Variants in SDK1 observed in about 807,000 individuals in gnomAD.
The protein encoded by SDK1 is sidekick cell adhesion molecule 1, also known as protein sidekick-1.
SDK1 carries 157 observed loss-of-function variants against 245.5 expected under a neutral mutation model. The observed-to-expected ratio is 0.64, with a 90% CI of 0.56 to 0.73. The LOEUF is 0.73. Ranked by LOEUF, SDK1 falls within the 30% of genes least tolerant of loss-of-function variation. SDK1 has a pLI of 0.00. For synonymous variants in SDK1, 1,647 were observed against 1,278.5 expected (o/e 1.29, Z -6.15); for missense variants, 3,583 against 3,002.3 (o/e 1.19, Z -4.52).
At chr7:4,083,535 T>TTCTTTA (rs1781199836) in intron 22 of SDK1, among the ~76,000 whole-genome samples, 1 of 63,956 alleles carries the variant, frequency 1.6e-5, no homozygotes, top group East Asian at 4.5e-4. Context: ...CCTCCCTCCC[T>TTCTTTA]CCCTCCCTCC....
intron 1 of SDK1, among the ~76,000 whole-genome samples, chr7:3,386,409 T>C (rs958712232): frequency 2.6e-5 from 4 of 152,228 alleles, no homozygotes; most frequent in Non-Finnish European, 2.9e-5. Flanking sequence ...GAATGTGATT[T>C]AGCTTTATAT....
chr7:3,513,597 G>T (rs888047132), intron 1 of SDK1, among the ~76,000 whole-genome samples: 6 of 152,050 alleles, frequency 3.9e-5, no homozygotes, highest in Non-Finnish European at 8.8e-5. Flanking sequence ...TTATTAGTGG[G>T]CATTTTTATT....
At chr7:3,547,207 C>T (rs1779251245) in intron 1 of SDK1, among the ~76,000 whole-genome samples, 1 of 151,898 alleles carries the variant, frequency 6.6e-6, no homozygotes, top group African/African-American at 2.4e-5. Context: ...AACATTTTTA[C>T]TCTACTTTAA....
chr7:3,740,522 C>A lies in SDK1; in HGVS notation c.714-80928C>A, dbSNP rs182918504. 1.2e-4 allele frequency among the ~76,000 whole-genome samples: 18 copies of A among 152,168 alleles called. No individual in the cohort carries two copies. In the East Asian group the frequency reaches 2.9e-3, roughly 25 times the overall value. On this transcript the variant is annotated intron_variant, in intron 4 of 44. Coordinates refer to ENST00000404826, the MANE Select transcript of SDK1 (RefSeq NM_152744.4). The stretch of plus-strand genomic sequence containing the variant: ...CAGATTTAGGTCAGATACAGGCAAG[C>A]CTAAGAATGGAGCTTTTGAAGGCAG...
intron 40 of SDK1, chr7:4,227,170 T>C (rs1451099562): frequency 3.2e-6 from 1 of 308,422 alleles, no homozygotes; most frequent in Non-Finnish European, 6.4e-6. Flanking sequence ...TCTGAAGGTT[T>C]GACATCCATA....
chr7:4,002,257 G>A (rs1785130187), intron 14 of SDK1, among the ~76,000 whole-genome samples: 2 of 152,306 alleles, frequency 1.3e-5, no homozygotes, highest in East Asian at 1.9e-4. Flanking sequence ...CAGCCGGAGG[G>A]GTGAGTGGCT....
At chr7:4,077,261 G>C in intron 21 of SDK1, 72 bp downstream of exon 21, 1 of 1,458,152 alleles carries the variant, frequency 6.9e-7, no homozygotes, top group East Asian at 2.4e-5. Context: ...GAAGTTGATT[G>C]GCACTTTGGT....
intron 4 of SDK1, among the ~76,000 whole-genome samples, chr7:3,707,251 G>A (rs893058507): frequency 1.3e-5 from 2 of 152,140 alleles, no homozygotes; most frequent in Admixed American, 1.3e-4. Context: ...GATAACTTGT[G>A]TCACTGTTAT....
chr7:3,480,670 CA>C (rs1356962255), intron 1 of SDK1, among the ~76,000 whole-genome samples: 1 of 152,216 alleles, frequency 6.6e-6, no homozygotes, highest in African/African-American at 2.4e-5. Context: ...ATGGGTCTGC[CA>C]TAGCGTGCAT....
intron 1 of SDK1, among the ~76,000 whole-genome samples, chr7:3,353,176 G>A (rs73292178): frequency 0.19 from 29,435 of 151,944 alleles, 3,015 homozygotes; most frequent in African/African-American, 0.28. Context: ...TAGGTAAGTG[G>A]TGTAAGTAAT....
intron 1 of SDK1, among the ~76,000 whole-genome samples, chr7:3,315,594 A>T: frequency 6.6e-6 from 1 of 152,232 alleles, no homozygotes; most frequent in East Asian, 1.9e-4. Context: ...TGCAGTGAGT[A>T]TGATTAAGAA....
At chr7:4,172,360 G>A (rs117364136) in intron 32 of SDK1, among the ~76,000 whole-genome samples, 2,145 of 152,308 alleles carry the variant, frequency 0.014, 27 homozygotes, top group Non-Finnish European at 0.02. Flanking sequence ...TGTTGAACGC[G>A]TGAGTGTTGT....
At chr7:3,898,253 C>G (rs1286067890) in intron 5 of SDK1, among the ~76,000 whole-genome samples, 2 of 152,150 alleles carry the variant, frequency 1.3e-5, no homozygotes, top group Admixed American at 6.5e-5. Flanking sequence ...GACAGTTGAC[C>G]TGAAACCTGA....
chr7:3,435,000 C>G (rs997980376), intron 1 of SDK1, among the ~76,000 whole-genome samples: 5 of 152,116 alleles, frequency 3.3e-5, no homozygotes, highest in African/African-American at 1.2e-4. Context: ...TCCTAACTGT[C>G]AAATCTCCGT....
chr7:3,907,484 G>C (rs910651873), intron 5 of SDK1, among the ~76,000 whole-genome samples: 1 of 152,098 alleles, frequency 6.6e-6, no homozygotes, highest in Non-Finnish European at 1.5e-5. Flanking sequence ...TTCATTATCT[G>C]ACATACCACA....
chr7:3,652,140 A>C (rs1783030881), intron 4 of SDK1, among the ~76,000 whole-genome samples: 1 of 152,240 alleles, frequency 6.6e-6, no homozygotes, highest in African/African-American at 2.4e-5. Flanking sequence ...AAGTGGAGAC[A>C]GCAAGTTGAG....
At chr7:3,311,340 G>T (rs947345277) in intron 1 of SDK1, among the ~76,000 whole-genome samples, 1 of 152,138 alleles carries the variant, frequency 6.6e-6, no homozygotes, top group Non-Finnish European at 1.5e-5. Context: ...CATTGGATTT[G>T]TTGATTACAT....
Position 3,958,956 on chromosome 7 carries a change from C to A in SDK1, c.1176C>A (p.Pro392=). 1 of 1,613,772 alleles carries A rather than the reference C, an allele frequency of 6.2e-7. No individual in the cohort carries two copies. Among genetic ancestry groups the A allele is most frequent in the East Asian group, 2.2e-5 (1 of 44,880 alleles). The part of the protein sequence containing the change: ...IIEPPYFTAE[P]ESRISAEVEE... ...AGCCACCATATTTTACTGCTGAGCC[C>A]GAGAGTCGGATTTCAGCTGAAGTAG... Residue 392 remains proline (P), a synonymous_variant, in exon 8 of 45, where the codon CCC becomes CCA. Transcript: ENST00000404826.
intron 1 of SDK1, among the ~76,000 whole-genome samples, chr7:3,563,754 T>A (rs1779821157): frequency 1.3e-5 from 2 of 152,186 alleles, no homozygotes; most frequent in South Asian, 2.1e-4. Flanking sequence ...GTGTATTTTT[T>A]AAGCTCGTTT....
Sources: allele counts gnomAD v4.1 joint callset (sites outside exome capture counted in the v4.1 genomes callset), GRCh38; gene constraint gnomAD v4.1.1; transcripts MANE v1.5; gene names NCBI Gene and HGNC (gene_info 2026-07-23, HGNC 2026-07-21).